Variants in HS3ST4 observed in about 807,000 individuals in gnomAD.
HS3ST4 encodes the protein heparan sulfate glucosamine 3-O-sulfotransferase 4.
A neutral mutation model predicts 29.2 loss-of-function variants in HS3ST4; 17 were observed. That is an observed-to-expected ratio of 0.58 (90% CI 0.40 to 0.87). The LOEUF (loss-of-function observed/expected upper bound fraction) is 0.87, where lower values mean the gene tolerates loss of function less well. Ranked by LOEUF, HS3ST4 falls within the 40% of genes least tolerant of loss-of-function variation. The pLI is 0.00. For synonymous variants in HS3ST4, 314 were observed against 285.7 expected (o/e 1.10, Z -1.00); for missense variants, 627 against 634.5 (o/e 0.99, Z 0.13).
chr16:26,105,433 A>G (rs577969021), intron 1 of HS3ST4, among the ~76,000 whole-genome samples: 5 of 152,220 alleles, frequency 3.3e-5, no homozygotes, highest in Admixed American at 6.5e-5. Context: ...TCATACTCCA[A>G]ACTTTAGCAT....
At chr16:25,803,044 C>A (rs1033881021) in intron 1 of HS3ST4, among the ~76,000 whole-genome samples, 1 of 151,368 alleles carries the variant, frequency 6.6e-6, no homozygotes, top group Non-Finnish European at 1.5e-5. Context: ...CCTCTCTTCT[C>A]ATCTATATAG....
intron 1 of HS3ST4, among the ~76,000 whole-genome samples, chr16:25,777,218 T>C (rs1966848304): frequency 6.6e-6 from 1 of 152,222 alleles, no homozygotes; most frequent in African/African-American, 2.4e-5. Context: ...AGAATTAACA[T>C]TGCCTATCCT....
chr16:25,781,613 A>C (rs1427203829), intron 1 of HS3ST4, among the ~76,000 whole-genome samples: 1 of 152,176 alleles, frequency 6.6e-6, no homozygotes, highest in Non-Finnish European at 1.5e-5. Context: ...CGTTACCTGC[A>C]TTTGAAGGAG....
intron 1 of HS3ST4, among the ~76,000 whole-genome samples, chr16:26,093,046 C>G (rs1019392274): frequency 2.0e-5 from 3 of 152,148 alleles, no homozygotes; most frequent in African/African-American, 7.2e-5. Context: ...GAGGGGTGTC[C>G]ATCATTGCTG....
At chr16:26,039,372 T>A (rs1969612989) in intron 1 of HS3ST4, among the ~76,000 whole-genome samples, 4 of 152,222 alleles carry the variant, frequency 2.6e-5, no homozygotes, top group Admixed American at 2.6e-4. Flanking sequence ...GTGTGCTTTT[T>A]TATATATACA....
At chr16:25,697,151 C>G (rs1445975518) in intron 1 of HS3ST4, among the ~76,000 whole-genome samples, 1 of 152,200 alleles carries the variant, frequency 6.6e-6, no homozygotes, top group Non-Finnish European at 1.5e-5. Context: ...ATGCCGTGCA[C>G]TGTATTAGGT....
At chr16:25,968,526 G>A (rs1445065882) in intron 1 of HS3ST4, among the ~76,000 whole-genome samples, 1 of 152,056 alleles carries the variant, frequency 6.6e-6, no homozygotes, top group South Asian at 2.1e-4. Flanking sequence ...TTTCCTGTGT[G>A]TTTCTATTTT....
chr16:25,971,953 AGAGTC>A (rs1968903138), intron 1 of HS3ST4, among the ~76,000 whole-genome samples: 1 of 152,164 alleles, frequency 6.6e-6, no homozygotes, highest in East Asian at 1.9e-4. Flanking sequence ...AAGAAAAAAA[AGAGTC>A]GAGATTCTGG....
At chr16:26,013,416 G>T (rs1167015460) in intron 1 of HS3ST4, among the ~76,000 whole-genome samples, 2 of 151,976 alleles carry the variant, frequency 1.3e-5, no homozygotes, top group Non-Finnish European at 2.9e-5. Flanking sequence ...TTGTTATGAG[G>T]AGCAAATAAA....
intron 1 of HS3ST4, among the ~76,000 whole-genome samples, chr16:25,789,739 A>G (rs966544809): frequency 6.6e-6 from 1 of 152,140 alleles, no homozygotes; most frequent in Admixed American, 6.5e-5. Context: ...TGTGCTCCTC[A>G]TAGTCACTAC....
chr16:25,872,183 G>A (rs556974827), intron 1 of HS3ST4, among the ~76,000 whole-genome samples: 97 of 152,292 alleles, frequency 6.4e-4, no homozygotes, highest in African/African-American at 2.2e-3. Context: ...ATCCCAGAGC[G>A]TGGTCAGCTT....
rs557862482 is a variant in HS3ST4, at chr16:26,010,172, G to A, written c.735-125440G>A. Among the ~76,000 whole-genome samples the A allele has an allele frequency of 6.8e-4, 103 of 152,238 alleles. No individual in the cohort carries two copies. The South Asian group carries it at 0.01, about 15-fold the overall frequency. The stretch of plus-strand genomic sequence containing the variant: ...AAGTGGCATTAAAATGTGAAAATGT[G>A]GCCCGGCGCGGTGACTCATGCCTGT... On this transcript the variant is annotated intron_variant, in intron 1 of 1. Transcript: ENST00000331351.
At chr16:25,725,104 A>C (rs1966524041) in intron 1 of HS3ST4, among the ~76,000 whole-genome samples, 1 of 146,882 alleles carries the variant, frequency 6.8e-6, no homozygotes, top group Non-Finnish European at 1.5e-5. Flanking sequence ...GATACAGGAT[A>C]CTTTTAATTC....
At chr16:25,918,291 A>G (rs1300611396) in intron 1 of HS3ST4, among the ~76,000 whole-genome samples, 1 of 152,206 alleles carries the variant, frequency 6.6e-6, no homozygotes, top group African/African-American at 2.4e-5. Flanking sequence ...GTGGATGAGG[A>G]CACTGACCCT....
chr16:25,715,957 G>A (rs993164608), intron 1 of HS3ST4, among the ~76,000 whole-genome samples: 12 of 152,218 alleles, frequency 7.9e-5, no homozygotes, highest in East Asian at 1.9e-4. Flanking sequence ...ACCTCTCAAA[G>A]CTCCTCTTCC....
chr16:26,062,258 G>T (rs1898484936), intron 1 of HS3ST4, among the ~76,000 whole-genome samples: 1 of 152,196 alleles, frequency 6.6e-6, no homozygotes, highest in Non-Finnish European at 1.5e-5. Flanking sequence ...GACAGAGCTG[G>T]TTCAACTGGT....
chr16:25,919,407 G>A (rs1968325040), intron 1 of HS3ST4, among the ~76,000 whole-genome samples: 1 of 152,158 alleles, frequency 6.6e-6, no homozygotes, highest in South Asian at 2.1e-4. Flanking sequence ...AAAACATCAA[G>A]AATCCTCTTT....
chr16:25,837,283 T>A (rs1967365965), intron 1 of HS3ST4, among the ~76,000 whole-genome samples: 1 of 152,350 alleles, frequency 6.6e-6, no homozygotes, highest in East Asian at 1.9e-4. Context: ...CACCCACATC[T>A]TGCTTTCCTC....
chr16:25,796,868 G>C (rs988876611), intron 1 of HS3ST4, among the ~76,000 whole-genome samples: 7 of 152,200 alleles, frequency 4.6e-5, no homozygotes, highest in African/African-American at 1.4e-4. Context: ...CATGGCAAGG[G>C]GTGGGAACTT....
Sources: allele counts gnomAD v4.1 joint callset (sites outside exome capture counted in the v4.1 genomes callset), GRCh38; gene constraint gnomAD v4.1.1; transcripts MANE v1.5; gene names NCBI Gene and HGNC (gene_info 2026-07-23, HGNC 2026-07-21).